The following CERS3 variants were observed in gnomAD, a reference collection of about 807,000 sequenced individuals.
CERS3 encodes LAG1 homolog, ceramide synthase 3.
CERS3 carries 33 observed loss-of-function variants against 50.3 expected under a neutral mutation model. The ratio of observed to expected loss-of-function variants is 0.66; its 90% confidence interval spans 0.50 to 0.88. The LOEUF (loss-of-function observed/expected upper bound fraction) is 0.88, where lower values mean the gene tolerates loss of function less well. CERS3 is among the 40% of genes least tolerant of loss of function. The pLI, the probability that CERS3 is intolerant of heterozygous loss-of-function variation, is 0.00. For synonymous variants in CERS3, 176 were observed against 155.2 expected, an observed-to-expected ratio of 1.13 and a Z score of -0.99; for missense variants, 470 against 460.3, an observed-to-expected ratio of 1.02 and a Z score of -0.19.
chr15:100,543,377 T>C (rs1305843263), intron 1 of CERS3, among the ~76,000 whole-genome samples: 1 of 152,198 alleles, frequency 6.6e-6, no homozygotes, highest in Non-Finnish European at 1.5e-5. Context: ...GATTTTGTTC[T>C]CATTTCAGGT....
At chr15:100,536,385 A>C (rs971392646) in intron 1 of CERS3, among the ~76,000 whole-genome samples, 3 of 152,146 alleles carry the variant, frequency 2.0e-5, no homozygotes, top group Non-Finnish European at 4.4e-5. Flanking sequence ...CCTGGGCTCA[A>C]GGGATCCTCC....
intron 2 of CERS3, among the ~76,000 whole-genome samples, chr15:100,512,422 G>A (rs60710901): frequency 0.022 from 3,385 of 152,206 alleles, 145 homozygotes; most frequent in African/African-American, 0.077. Context: ...TTGTGGCAGC[G>A]TGCCTCCAGG....
chr15:100,528,399 C>G (rs2036854797), intron 1 of CERS3, among the ~76,000 whole-genome samples: 1 of 152,180 alleles, frequency 6.6e-6, no homozygotes. Flanking sequence ...TTTCATTCCA[C>G]CTGGATTCAG....
intron 3 of CERS3, among the ~76,000 whole-genome samples, chr15:100,494,783 C>A (rs983954600): frequency 5.3e-5 from 8 of 152,218 alleles, no homozygotes; most frequent in African/African-American, 2.4e-5. Context: ...GCCTAAAGGT[C>A]ATTCAGAGGT....
At chr15:100,420,768 C>G (rs1171081062) in intron 11 of CERS3, among the ~76,000 whole-genome samples, 6 of 151,926 alleles carry the variant, frequency 3.9e-5, no homozygotes, top group Non-Finnish European at 5.9e-5. Flanking sequence ...GGATGCAAGG[C>G]TGGTTCAATA....
chr15:100,537,906 G>A (rs1215491609), intron 1 of CERS3, among the ~76,000 whole-genome samples: 1 of 152,236 alleles, frequency 6.6e-6, no homozygotes, highest in Admixed American at 6.5e-5. Flanking sequence ...TTCCATCTAT[G>A]AGCCTGTAAA....
intron 4 of CERS3, 83 bp from the exon 5 acceptor site, chr15:100,484,751 A>G (rs2035438134): frequency 9.9e-7 from 1 of 1,008,166 alleles, no homozygotes; most frequent in Non-Finnish European, 1.6e-6. Flanking sequence ...ATTGAGTTAC[A>G]AGAGCTTCGG....
chr15:100,407,004 T>TCACTATTGC (rs2031091121), intron 11 of CERS3, among the ~76,000 whole-genome samples: 1 of 152,070 alleles, frequency 6.6e-6, no homozygotes, highest in Non-Finnish European at 1.5e-5. Context: ...TGAGACTTAT[T>TCACTATTGC]CACTATTGCG....
chr15:100,436,703 A>C lies in CERS3; in HGVS notation c.999+19190T>G, dbSNP rs1164402108. Reference sequence around the variant, plus strand: ...ATGTTTTTAATAATGCTAACAGACCAGTTTTGCATAATCATAGTGATAGGA... The same window carrying C: ...ATGTTTTTAATAATGCTAACAGACCCGTTTTGCATAATCATAGTGATAGGA... On this transcript the variant is annotated intron_variant, in intron 11 of 11. Transcript: ENST00000679737. Among the ~76,000 whole-genome samples the C allele has an allele frequency of 3.3e-5, 5 of 152,184 alleles. No individual in the cohort carries two copies. In the East Asian group the frequency reaches 9.6e-4, roughly 29 times the overall value.
intron 1 of CERS3, chr15:100,544,429 G>C (rs11639170): frequency 0.19 from 13,301 of 71,190 alleles, 474 homozygotes; most frequent in African/African-American, 0.32. Context: ...GCCTTGACCT[G>C]CGCGGGGTCA....
intron 10 of CERS3, among the ~76,000 whole-genome samples, chr15:100,456,458 A>G (rs997509665): frequency 2.0e-5 from 3 of 152,244 alleles, no homozygotes; most frequent in Non-Finnish European, 1.5e-5. Flanking sequence ...TTTATTTGGC[A>G]TCAAAGGTGA....
At chr15:100,444,346 G>T (rs2033842241) in intron 11 of CERS3, among the ~76,000 whole-genome samples, 1 of 141,232 alleles carries the variant, frequency 7.1e-6, no homozygotes, top group African/African-American at 2.7e-5. Flanking sequence ...TCCTGGCCCG[G>T]ACTTCAATCC....
intron 11 of CERS3, among the ~76,000 whole-genome samples, chr15:100,435,781 AAAAC>A (rs2033373308): frequency 1.3e-5 from 2 of 152,208 alleles, no homozygotes; most frequent in South Asian, 2.1e-4. Context: ...TTACAAGAAA[AAAAC>A]AAACAACCCC....
At chr15:100,483,787 A>ATTATTATTTTTTTTTTTTTTTTT (rs760594142) in intron 5 of CERS3, among the ~76,000 whole-genome samples, 2 of 100,040 alleles carry the variant, frequency 2.0e-5, no homozygotes, top group African/African-American at 3.8e-5. Flanking sequence ...TATTATTATT[A>ATTATTATTTTTTTTTTTTTTTTT]TTTTTTTTTT....
At chr15:100,491,132 A>C (rs2035638468) in intron 3 of CERS3, among the ~76,000 whole-genome samples, 1 of 152,124 alleles carries the variant, frequency 6.6e-6, no homozygotes, top group African/African-American at 2.4e-5. Flanking sequence ...TAAAAAAAAA[A>C]CACTTGCACA....
At chr15:100,494,074 GT>G (rs1277747462) in intron 3 of CERS3, among the ~76,000 whole-genome samples, 1 of 151,428 alleles carries the variant, frequency 6.6e-6, no homozygotes, top group East Asian at 1.9e-4. Flanking sequence ...TGTCTCATAA[GT>G]TTTTGTTGAA....
At chr15:100,444,891 C>T (rs2033867121) in intron 11 of CERS3, among the ~76,000 whole-genome samples, 1 of 152,208 alleles carries the variant, frequency 6.6e-6, no homozygotes, top group African/African-American at 2.4e-5. Flanking sequence ...CTTCCCACCT[C>T]TATATAGTCC....
chr15:100,417,273 GA>G (rs2031999172), intron 11 of CERS3, among the ~76,000 whole-genome samples: 1 of 151,890 alleles, frequency 6.6e-6, no homozygotes, highest in African/African-American at 2.4e-5. Context: ...CACTTGGGAA[GA>G]GCAAGGGGTC....
chr15:100,408,007 G>A lies in CERS3; in HGVS notation c.1000-5142C>T, dbSNP rs551078046. On this transcript the variant is annotated intron_variant, in intron 11 of 11. Transcript: ENST00000679737. ...CTGCCTCAGCCCCCTGAGTAGCTGGGATTACAGGCGGCCACCACTGTGCCT... is the reference window on the plus strand; with the variant it reads ...CTGCCTCAGCCCCCTGAGTAGCTGGAATTACAGGCGGCCACCACTGTGCCT... Among the ~76,000 whole-genome samples, 17 of 152,150 alleles carry A rather than the reference G, an allele frequency of 1.1e-4. No homozygotes were observed. In the East Asian group the frequency reaches 3.3e-3, roughly 29 times the overall value.
Sources: gnomAD v4.1 joint callset for allele counts (sites outside exome capture counted in the v4.1 genomes callset) on GRCh38, gnomAD v4.1.1 for gene constraint, MANE v1.5 for transcripts, NCBI Gene and HGNC (gene_info 2026-07-23, HGNC 2026-07-21) for gene names.